Variants in ELMO1 observed in about 807,000 individuals in gnomAD.
The protein encoded by ELMO1 is engulfment and cell motility 1.
Under a neutral mutation model 98.9 loss-of-function variants are expected in ELMO1, and 26 were observed. The ratio of observed to expected loss-of-function variants is 0.26; its 90% CI spans 0.19 to 0.36. ELMO1 has a LOEUF of 0.36. ELMO1 is among the 10% of genes least tolerant of loss of function. The probability of loss-of-function intolerance (pLI) is 1.00; values close to 1 mark genes in which losing one functional copy is unlikely to be tolerated. For synonymous variants in ELMO1, 346 were observed against 346.0 expected (o/e 1.00, Z 0.00); for missense variants, 627 against 935.2 (o/e 0.67, Z 4.30).
chr7:37,162,490 G>A (rs1037851363), intron 13 of ELMO1, among the ~76,000 whole-genome samples: 2 of 152,124 alleles, frequency 1.3e-5, no homozygotes, highest in Admixed American at 6.5e-5. Context: ...ACTTTTAAAC[G>A]TCGTAAACAT....
At chr7:37,411,085 A>G (rs1415983613) in intron 1 of ELMO1, among the ~76,000 whole-genome samples, 3 of 152,230 alleles carry the variant, frequency 2.0e-5, no homozygotes, top group Admixed American at 6.5e-5. Context: ...GTAGTATAAC[A>G]TTTTCCTGGT....
chr7:37,118,385 T>C (rs977302821), intron 14 of ELMO1, among the ~76,000 whole-genome samples: 2 of 152,156 alleles, frequency 1.3e-5, no homozygotes, highest in African/African-American at 4.8e-5. Context: ...TCTTTAAAAC[T>C]CACAACAGGA....
chr7:37,237,960 T>C (rs1387126430), intron 7 of ELMO1, among the ~76,000 whole-genome samples: 2 of 152,238 alleles, frequency 1.3e-5, no homozygotes, highest in African/African-American at 2.4e-5. Flanking sequence ...ATAGGAAGTA[T>C]TGAAATCAGT....
At chr7:37,109,525 C>G (rs956504585) in intron 14 of ELMO1, among the ~76,000 whole-genome samples, 3 of 152,178 alleles carry the variant, frequency 2.0e-5, no homozygotes, top group African/African-American at 4.8e-5. Context: ...CCGCCGCCCC[C>G]CTCCCCAGAT....
At chr7:37,114,949 T>C (rs529785342) in intron 14 of ELMO1, among the ~76,000 whole-genome samples, 2 of 152,224 alleles carry the variant, frequency 1.3e-5, no homozygotes, top group Admixed American at 6.5e-5. Flanking sequence ...CTCATGTATA[T>C]AATAAAGGAA....
At chr7:37,188,840 A>C (rs1197456446) in intron 13 of ELMO1, among the ~76,000 whole-genome samples, 2 of 152,220 alleles carry the variant, frequency 1.3e-5, no homozygotes, top group Admixed American at 1.3e-4. Context: ...AGTCAACCCC[A>C]TGACTGAGCC....
chr7:37,154,740 C>T (rs1788614741), intron 13 of ELMO1, among the ~76,000 whole-genome samples: 1 of 152,162 alleles, frequency 6.6e-6, no homozygotes. Context: ...AAACACTCTG[C>T]AGGATATTAC....
At chr7:37,305,732 C>T (rs1350957230) in intron 4 of ELMO1, among the ~76,000 whole-genome samples, 2 of 152,182 alleles carry the variant, frequency 1.3e-5, no homozygotes, top group Non-Finnish European at 2.9e-5. Context: ...CCACAATCTT[C>T]CAACACCTAC....
intron 16 of ELMO1, among the ~76,000 whole-genome samples, chr7:36,956,586 C>A (rs1409433687): frequency 6.6e-6 from 1 of 152,150 alleles, no homozygotes; most frequent in Non-Finnish European, 1.5e-5. Flanking sequence ...TATTTTATAG[C>A]TCAAAAATGC....
intron 5 of ELMO1, among the ~76,000 whole-genome samples, chr7:37,269,116 A>G (rs1187495079): frequency 6.6e-6 from 1 of 152,264 alleles, no homozygotes; most frequent in Non-Finnish European, 1.5e-5. Flanking sequence ...TTGTGTATGT[A>G]AAAATGAACA....
At chr7:37,099,454 T>C (rs954574124) in intron 14 of ELMO1, among the ~76,000 whole-genome samples, 14 of 152,238 alleles carry the variant, frequency 9.2e-5, no homozygotes, top group African/African-American at 3.4e-4. Flanking sequence ...AAAAGCTCCA[T>C]TTGGAAATAT....
intron 1 of ELMO1, among the ~76,000 whole-genome samples, chr7:37,437,773 T>G (rs1805211353): frequency 1.6e-5 from 1 of 62,476 alleles, no homozygotes. Flanking sequence ...ATCGAGACCA[T>G]CCTGGCTAAC....
intron 2 of ELMO1, among the ~76,000 whole-genome samples, chr7:37,331,333 C>CTTTTTTTTTTTTTTTTTTTTTTTTTTT (rs776303689): frequency 1.0e-4 from 3 of 28,736 alleles, no homozygotes; most frequent in Non-Finnish European, 2.0e-4. Flanking sequence ...CCACGCCTGG[C>CTTTTTTTTTTTTTTTTTTTTTTTTTTT]TTTTTTTTTT....
intron 16 of ELMO1, among the ~76,000 whole-genome samples, chr7:36,903,996 C>T (rs1783779822): frequency 6.6e-6 from 1 of 152,232 alleles, no homozygotes. Context: ...GACCACTCCC[C>T]CTGGGCTGCC....
chr7:37,274,819 G>C (rs146853594), intron 4 of ELMO1, among the ~76,000 whole-genome samples: 10,988 of 152,102 alleles, frequency 0.072, 521 homozygotes, highest in African/African-American at 0.11. Context: ...CCAAAGTGTT[G>C]GGATTATAGG....
intron 1 of ELMO1, among the ~76,000 whole-genome samples, chr7:37,431,069 G>T (rs143316604): frequency 1.3e-5 from 2 of 152,202 alleles, no homozygotes; most frequent in African/African-American, 2.4e-5. Flanking sequence ...AGGTGCAGTG[G>T]CTCCTTCCAG....
chr7:37,448,439 T>G (rs929964471), intron 1 of ELMO1, among the ~76,000 whole-genome samples: 3 of 150,834 alleles, frequency 2.0e-5, no homozygotes, highest in African/African-American at 7.4e-5. Flanking sequence ...TCCCCGGAGC[T>G]CAGACTTCCC....
intron 16 of ELMO1, among the ~76,000 whole-genome samples, chr7:36,967,435 T>G (rs1007758805): frequency 4.9e-4 from 75 of 152,226 alleles, no homozygotes; most frequent in African/African-American, 1.7e-3. Flanking sequence ...GTGCCCCAGC[T>G]AACCCAGCGT....
chr7:36,868,351 T>TC lies in ELMO1; in HGVS notation c.1905+2041_1905+2042insG, dbSNP rs1395323317. Among the ~76,000 whole-genome samples the TC allele has an allele frequency of 3.0e-5, 3 of 100,378 alleles. No homozygotes were observed. The East Asian group carries it at 7.9e-4, about 27-fold the overall frequency. 65.9% of individuals were successfully genotyped at this position (100,378 alleles called of 152,430 possible). A position where few individuals can be genotyped will look rare whatever the true frequency, so the allele number is the denominator to read the frequency against. ...GCTTCTTCTTCTTCTTCTTCTTCTT[T>TC]TTTTTTTTTTTGAGACAGAGTTTCA... On this transcript the variant is annotated intron_variant, in intron 20 of 21. Coordinates refer to ENST00000310758, the MANE Select transcript of ELMO1 (RefSeq NM_014800.11).
Sources: allele counts gnomAD v4.1 joint callset (sites outside exome capture counted in the v4.1 genomes callset), GRCh38; gene constraint gnomAD v4.1.1; transcripts MANE v1.5; gene names NCBI Gene and HGNC (gene_info 2026-07-23, HGNC 2026-07-21).